ZNF445: variants seen among roughly 807,000 people sequenced by gnomAD.
The protein encoded by ZNF445 is zinc finger protein 168.
Under a neutral mutation model 93.9 loss-of-function variants are expected in ZNF445, and 19 were observed. That is an observed-to-expected ratio of 0.20 (90% CI 0.14 to 0.30). The LOEUF (loss-of-function observed/expected upper bound fraction) is 0.30. Ranked by LOEUF, ZNF445 falls within the 10% of genes least tolerant of loss-of-function variation. ZNF445 has a pLI of 1.00. For missense variants in ZNF445, 1,058 were observed against 1,259.4 expected, an observed-to-expected ratio of 0.84 and a Z score of 2.42; for synonymous variants, 449 against 446.3, an observed-to-expected ratio of 1.01 and a Z score of -0.08.
chr3:44,454,185 G>C (rs1186003498), intron 3 of ZNF445, among the ~76,000 whole-genome samples: 3 of 149,630 alleles, frequency 2.0e-5, no homozygotes. Flanking sequence ...GAGTGGTGGG[G>C]TATGCCTCAA....
Position 44,440,686 on chromosome 3 carries a change from G to T in ZNF445, c.*5889C>A, listed in dbSNP as rs1277247566. 6.6e-6 allele frequency: 1 copy of T among 152,192 alleles called. No homozygotes were observed. The highest frequency in any genetic ancestry group is 6.5e-5 in the Admixed American group (1 of 15,280). The allele number at this position is 152,192 out of a possible 1,614,324, so 9.4% of individuals were successfully genotyped here. A position where few individuals can be genotyped will look rare whatever the true frequency, so the allele number is the denominator to read the frequency against. On this transcript the variant is annotated 3_prime_UTR_variant, in exon 8 of 8. Transcript: ENST00000396077. The stretch of plus-strand genomic sequence containing the variant: ...AAGAATTCGGGCGAGTCCACAAAGT[G>T]AAAGTAGTTAATATTAAGAAAGTAA...
chr3:44,468,936 C>A (rs1473881924), intron 1 of ZNF445, among the ~76,000 whole-genome samples: 1 of 150,534 alleles, frequency 6.6e-6, no homozygotes, highest in East Asian at 2.0e-4. Flanking sequence ...AGGCAGCAGG[C>A]AAGGTGAACC....
chr3:44,441,346 G>C lies in ZNF445; in HGVS notation c.*5229C>G, dbSNP rs1035085094. 1 of 152,244 alleles carries C rather than the reference G, an allele frequency of 6.6e-6. No individual in the cohort carries two copies. Among genetic ancestry groups the C allele is most frequent in the South Asian group, 2.1e-4 (1 of 4,834 alleles). The allele number at this position is 152,244 out of a possible 1,614,324, so 9.4% of individuals were successfully genotyped here. A position where few individuals can be genotyped will look rare whatever the true frequency, so the allele number is the denominator to read the frequency against. On this transcript the variant is annotated 3_prime_UTR_variant, in exon 8 of 8. Coordinates refer to ENST00000396077, the MANE Select transcript of ZNF445 (RefSeq NM_181489.6). ...TTCATTGCCATCTTGGTTTTGACCG[G>C]CTTCTTTACCACATGCTGTTTTATT... is the stretch of plus-strand genomic sequence containing the variant.
intron 1 of ZNF445, among the ~76,000 whole-genome samples, chr3:44,467,877 A>G (rs1388439099): frequency 1.3e-5 from 2 of 152,170 alleles, no homozygotes; most frequent in Admixed American, 1.3e-4. Flanking sequence ...TTTTTTCTGC[A>G]GTTTAAACAA....
At chr3:44,477,393 G>T (rs1698380304) in intron 1 of ZNF445, among the ~76,000 whole-genome samples, 198 bp downstream of exon 1, 1 of 152,186 alleles carries the variant, frequency 6.6e-6, no homozygotes, top group African/African-American at 2.4e-5. Flanking sequence ...TACCCCGGAC[G>T]CCTGGGAGGC....
Position 44,439,821 on chromosome 3 carries a change from G to C in ZNF445, c.*6754C>G, listed in dbSNP as rs1225195592. ...CATGAGGCCTTCTAGGGAAAGCAAA[G>C]CGGGCACCCACGCCAGTCTGTTGGG... is the stretch of plus-strand genomic sequence containing the variant. On this transcript the variant is annotated 3_prime_UTR_variant, in exon 8 of 8. Coordinates refer to ENST00000396077, the MANE Select transcript of ZNF445 (RefSeq NM_181489.6). 1 of 152,214 alleles carries C rather than the reference G, an allele frequency of 6.6e-6. No individual in the cohort carries two copies. Among genetic ancestry groups the C allele is most frequent in the Non-Finnish European group, 1.5e-5 (1 of 68,056 alleles). 9.4% of individuals were successfully genotyped at this position (152,214 alleles called of 1,614,324 possible). A position where few individuals can be genotyped will look rare whatever the true frequency, so the allele number is the denominator to read the frequency against.
At chr3:44,461,491 A>G (rs1370600653) in intron 1 of ZNF445, among the ~76,000 whole-genome samples, 1 of 152,212 alleles carries the variant, frequency 6.6e-6, no homozygotes, top group African/African-American at 2.4e-5. Context: ...GGCCTAACTC[A>G]AAGAACCTTC....
intron 1 of ZNF445, among the ~76,000 whole-genome samples, chr3:44,474,139 G>A (rs1481380963): frequency 6.6e-6 from 1 of 152,212 alleles, no homozygotes; most frequent in African/African-American, 2.4e-5. Context: ...AATTACTGAT[G>A]ACTAGGAGAA....
At position 44,470,478 on chromosome 3, in the gene ZNF445, A is replaced by G. The variant is rs142602113; in HGVS notation, c.-269+7113T>C. Among the ~76,000 whole-genome samples the G allele has an allele frequency of 1.5e-3, 225 of 152,354 alleles. 1 individual carries two copies. The Middle Eastern group carries it at 0.017, about 12-fold the overall frequency. On this transcript the variant is annotated intron_variant, in intron 1 of 7. Coordinates refer to ENST00000396077, the MANE Select transcript of ZNF445 (RefSeq NM_181489.6). ...GGTGGTGGGGGTAGGAAGGTAGAGA[A>G]TTGCATTTAAAAGCAACTTTATATT...
intron 1 of ZNF445, among the ~76,000 whole-genome samples, chr3:44,466,909 A>T (rs1698203803): frequency 6.6e-6 from 1 of 152,258 alleles, no homozygotes; most frequent in Non-Finnish European, 1.5e-5. Context: ...AAATTGCTGT[A>T]TGCCACAGAA....
intron 2 of ZNF445, 140 bp downstream of exon 2, chr3:44,458,104 T>A (rs1698058303): frequency 6.7e-6 from 1 of 148,784 alleles, no homozygotes; most frequent in Admixed American, 6.7e-5. Flanking sequence ...GGCGCAGTGG[T>A]TCACACCTGT....
intron 4 of ZNF445, 123 bp downstream of exon 4, chr3:44,451,191 C>G: frequency 1.6e-6 from 2 of 1,287,688 alleles, no homozygotes; most frequent in Non-Finnish European, 2.2e-6. Flanking sequence ...ATGGAGAGGA[C>G]AGAGAGCTAA....
Position 44,448,580 on chromosome 3 carries a change from T to G in ZNF445, c.1091A>C (p.Gln364Pro), listed in dbSNP as rs778645336. The change falls in exon 8 of 8, where the codon CAA (glutamine) becomes CCA (proline). Residue 364 changes from glutamine to proline, a missense_variant. By Grantham distance (76) the Gln-to-Pro change is moderately conservative (BLOSUM62 -1). This residue lies in a region of ZNF445 where 657 missense variants were observed against 746.4 expected (regional missense o/e 0.88). Transcript: ENST00000396077. ...TCTTACTTGTATGGGATTTTCACAT[T>G]GATCCTTCTGCCTGCTCTTCTGTTG... ...SFQQKSRQKD[Q>P]CENPIQVRVK... 4.3e-6 allele frequency: 7 copies of G among 1,614,044 alleles called. No individual in the cohort carries two copies. In the Admixed American group the frequency reaches 1.2e-4, roughly 27 times the overall value.
chr3:44,453,289 GT>G (rs1160877559), intron 3 of ZNF445, among the ~76,000 whole-genome samples: 59 of 147,752 alleles, frequency 4.0e-4, no homozygotes, highest in African/African-American at 8.7e-4. Flanking sequence ...GTCTATATAT[GT>G]TTTTTTTTTT....
chr3:44,457,084 C>A (rs982630877), intron 2 of ZNF445, among the ~76,000 whole-genome samples: 8 of 152,264 alleles, frequency 5.3e-5, no homozygotes, highest in African/African-American at 1.7e-4. Flanking sequence ...GAGACAAGAT[C>A]GTGGCACTGC....
At position 44,441,761 on chromosome 3, in the gene ZNF445, CAAAG is replaced by C. The variant is rs1477269974; in HGVS notation, c.*4810_*4813del. The C allele has an allele frequency of 2.6e-5, 4 of 152,086 alleles. No individual in the cohort carries two copies. The highest frequency in any genetic ancestry group is 4.8e-5 in the African/African-American group (2 of 41,412). The allele number at this position is 152,086 out of a possible 1,614,324, so 9.4% of individuals were successfully genotyped here. A position where few individuals can be genotyped will look rare whatever the true frequency, so the allele number is the denominator to read the frequency against. On this transcript the variant is annotated 3_prime_UTR_variant, in exon 8 of 8. Transcript: ENST00000396077. ...CTCTGCATCAATTTTTAGAAAAAAA[CAAAG>C]AAAACACAACTGAAGGCCCCATGTA...
At chr3:44,460,577 C>A (rs977639285) in intron 1 of ZNF445, among the ~76,000 whole-genome samples, 1 of 152,168 alleles carries the variant, frequency 6.6e-6, no homozygotes, top group African/African-American at 2.4e-5. Context: ...TGGCCCCCCA[C>A]CCAGGAACTG....
chr3:44,450,651 G>A (rs1175107769), intron 5 of ZNF445, 78 bp from the exon 6 acceptor site: 1 of 1,558,468 alleles, frequency 6.4e-7, no homozygotes, highest in Non-Finnish European at 8.7e-7. Context: ...GGAATAAACT[G>A]GCTCTGTGTG....
At chr3:44,468,573 G>A (rs1387716503) in intron 1 of ZNF445, among the ~76,000 whole-genome samples, 2 of 152,162 alleles carry the variant, frequency 1.3e-5, no homozygotes, top group African/African-American at 2.4e-5. Context: ...CCTAAGATCA[G>A]TGCTTGAGGT....
Sources: allele counts gnomAD v4.1 joint callset (sites outside exome capture counted in the v4.1 genomes callset), GRCh38; gene constraint gnomAD v4.1.1; regional missense constraint gnomAD v4.1.1; transcripts MANE v1.5; gene names NCBI Gene and HGNC (gene_info 2026-07-23, HGNC 2026-07-21).